PPP1R12B: variants seen among roughly 807,000 people sequenced by gnomAD.
The protein encoded by PPP1R12B is protein phosphatase 1 regulatory subunit 12B, also known as myosin phosphatase target subunit 2.
Under a neutral mutation model 126.1 loss-of-function variants are expected in PPP1R12B, and 76 were observed. The observed-to-expected ratio is 0.60, with a 90% CI of 0.50 to 0.73. The LOEUF (loss-of-function observed/expected upper bound fraction) is 0.73, where lower values mean the gene tolerates loss of function less well. Ranked by LOEUF, PPP1R12B falls within the 30% of genes least tolerant of loss-of-function variation. The pLI is 0.00. For synonymous variants in PPP1R12B, 356 were observed against 434.7 expected, an observed-to-expected ratio of 0.82 and a Z score of 2.25; for missense variants, 1,052 against 1,205.1, an observed-to-expected ratio of 0.87 and a Z score of 1.88.
chr1:202,525,760 C>T (rs1228733230), intron 18 of PPP1R12B, among the ~76,000 whole-genome samples: 5 of 152,060 alleles, frequency 3.3e-5, no homozygotes, highest in Non-Finnish European at 7.4e-5. Flanking sequence ...TGCAATGGTG[C>T]AATCTTGGCT....
intron 18 of PPP1R12B, among the ~76,000 whole-genome samples, chr1:202,535,870 A>G (rs765974417): frequency 6.6e-6 from 1 of 152,254 alleles, no homozygotes; most frequent in Non-Finnish European, 1.5e-5. Context: ...TTAAATCTAC[A>G]AAAAGACAAG....
At chr1:202,439,081 C>T (rs977105844) in intron 10 of PPP1R12B, 2 of 1,444,268 alleles carry the variant, frequency 1.4e-6, no homozygotes, top group Non-Finnish European at 1.9e-6. Flanking sequence ...CCATCAAGAC[C>T]ATCACCTCCA....
At chr1:202,526,315 G>A (rs1332875275) in intron 18 of PPP1R12B, among the ~76,000 whole-genome samples, 1 of 152,202 alleles carries the variant, frequency 6.6e-6, no homozygotes, top group Non-Finnish European at 1.5e-5. Context: ...GGAAGGAGGT[G>A]TTGGGTGTTT....
intron 1 of PPP1R12B, among the ~76,000 whole-genome samples, chr1:202,382,530 G>A (rs1315966782): frequency 1.3e-5 from 2 of 150,602 alleles, no homozygotes; most frequent in African/African-American, 4.9e-5. Flanking sequence ...TGGAAAGTTT[G>A]GAAAACAAAG....
Position 202,348,967 on chromosome 1 carries a change from G to C in PPP1R12B, c.116G>C (p.Arg39Pro). ...SLTEQEPAER[R>P]GAGRQPLTRR... ...ACAGAGCAGGAGCCTGCGGAGCGAC[G>C]AGGCGCGGGGCGGCAGCCGCTGACC... The change falls in exon 1 of 24, where the codon CGA (arginine) becomes CCA (proline). Residue 39 changes from arginine (R) to proline (P), a missense_variant. Coordinates refer to ENST00000608999, the MANE Select transcript of PPP1R12B (RefSeq NM_002481.4). 6.2e-7 allele frequency: 1 copy of C among 1,602,090 alleles called. No individual in the cohort carries two copies. Among genetic ancestry groups the C allele is most frequent in the Non-Finnish European group, 8.5e-7 (1 of 1,175,632 alleles).
chr1:202,579,883 A>T (rs1376512169), intron 23 of PPP1R12B, among the ~76,000 whole-genome samples: 1 of 152,190 alleles, frequency 6.6e-6, no homozygotes, highest in Non-Finnish European at 1.5e-5. Flanking sequence ...TTGAAAGTGG[A>T]TATGTATAGT....
At chr1:202,505,801 AC>A (rs1414301821) in intron 18 of PPP1R12B, among the ~76,000 whole-genome samples, 8 of 152,160 alleles carry the variant, frequency 5.3e-5, no homozygotes, top group African/African-American at 1.9e-4. Flanking sequence ...CTTTTAACAG[AC>A]TTAAAGAGAT....
chr1:202,573,031 T>C (rs998062478), intron 23 of PPP1R12B, among the ~76,000 whole-genome samples: 3 of 152,254 alleles, frequency 2.0e-5, no homozygotes, highest in African/African-American at 7.2e-5. Context: ...TCTTTAATGT[T>C]ATTCCCTGGG....
At chr1:202,517,297 A>C (rs1682260989) in intron 18 of PPP1R12B, among the ~76,000 whole-genome samples, 1 of 152,246 alleles carries the variant, frequency 6.6e-6, no homozygotes, top group Non-Finnish European at 1.5e-5. Flanking sequence ...ACTATATAAC[A>C]GATAAATATG....
intron 13 of PPP1R12B, chr1:202,462,783 A>G: frequency 1.0e-6 from 1 of 985,220 alleles, no homozygotes; most frequent in Middle Eastern, 5.2e-4. Flanking sequence ...CAGTGTTTAG[A>G]GAAGGACAGT....
intron 18 of PPP1R12B, among the ~76,000 whole-genome samples, chr1:202,509,582 G>C (rs577739954): frequency 2.6e-5 from 4 of 152,148 alleles, no homozygotes; most frequent in African/African-American, 9.7e-5. Context: ...GATTATGACC[G>C]TAAGTAAATT....
intron 13 of PPP1R12B, among the ~76,000 whole-genome samples, chr1:202,454,523 C>T (rs1673377154): frequency 6.6e-6 from 1 of 152,064 alleles, no homozygotes; most frequent in South Asian, 2.1e-4. Context: ...TGATGTGAGC[C>T]CTTGTGAAAC....
chr1:202,423,668 T>G (rs1669111072), intron 3 of PPP1R12B, among the ~76,000 whole-genome samples: 1 of 152,102 alleles, frequency 6.6e-6, no homozygotes, highest in Admixed American at 6.6e-5. Flanking sequence ...AGTTTTTCTG[T>G]CCTATTTTGT....
At chr1:202,428,971 T>G (rs758499232) in intron 6 of PPP1R12B, 42 bp downstream of exon 6, 1 of 1,510,508 alleles carries the variant, frequency 6.6e-7, no homozygotes, top group African/African-American at 1.4e-5. Context: ...TCTAATAGTT[T>G]GCAGTTCACA....
In PPP1R12B at chr1:202,591,057, G is replaced by A. The variant is rs748700967; in HGVS notation, c.*10497G>A. 6.6e-6 allele frequency: 1 copy of A among 152,310 alleles called. No homozygotes were observed. The highest frequency in any genetic ancestry group is 1.5e-5 in the Non-Finnish European group (1 of 68,144). 9.4% of individuals were successfully genotyped at this position (152,310 alleles called of 1,614,324 possible). ...TCAATTTGTCTCTGCTGTGGGTGTG[G>A]AGAGTGGGAGGGCCCCAGAGAGAGC... On this transcript the variant is annotated 3_prime_UTR_variant, in exon 24 of 24. Coordinates refer to ENST00000608999, the MANE Select transcript of PPP1R12B (RefSeq NM_002481.4).
chr1:202,411,592 GT>G (rs1025231634), intron 1 of PPP1R12B, among the ~76,000 whole-genome samples: 305 of 143,540 alleles, frequency 2.1e-3, no homozygotes, highest in African/African-American at 5.9e-3. Flanking sequence ...AGTACTTTTT[GT>G]TTTTTTTTTT....
At chr1:202,401,432 A>G (rs1665836768) in intron 1 of PPP1R12B, among the ~76,000 whole-genome samples, 2 of 114,954 alleles carry the variant, frequency 1.7e-5, no homozygotes, top group South Asian at 6.0e-4. Flanking sequence ...CTGGTCTTGA[A>G]CTCCTGCCCT....
At chr1:202,576,887 G>T (rs1558396069) in intron 23 of PPP1R12B, 1 of 151,890 alleles carries the variant, frequency 6.6e-6, no homozygotes, top group Non-Finnish European at 1.5e-5. Context: ...AGAGTAAGTG[G>T]TAGAACCAAA....
intron 18 of PPP1R12B, among the ~76,000 whole-genome samples, chr1:202,531,802 A>G (rs1329441171): frequency 1.3e-5 from 2 of 152,174 alleles, no homozygotes; most frequent in Non-Finnish European, 2.9e-5. Context: ...AGACTAGGTA[A>G]TTTCCACCTA....
Sources: gnomAD v4.1 joint callset for allele counts (sites outside exome capture counted in the v4.1 genomes callset) on GRCh38, gnomAD v4.1.1 for gene constraint, MANE v1.5 for transcripts, NCBI Gene and HGNC (gene_info 2026-07-23, HGNC 2026-07-21) for gene names.